Variants in DNAI1 observed in about 807,000 individuals in gnomAD.
DNAI1 encodes dynein axonemal intermediate chain 1.
A neutral mutation model predicts 92.0 loss-of-function variants in DNAI1; 67 were observed. The ratio of observed to expected loss-of-function variants is 0.73; its 90% confidence interval spans 0.60 to 0.89. The LOEUF (loss-of-function observed/expected upper bound fraction) is 0.89, where lower values mean the gene tolerates loss of function less well. DNAI1 is among the 40% of genes least tolerant of loss of function. The probability of loss-of-function intolerance (pLI) is 0.00; values close to 1 mark genes in which losing one functional copy is unlikely to be tolerated. For missense variants in DNAI1, 839 were observed against 866.6 expected, an observed-to-expected ratio of 0.97 and a Z score of 0.40; for synonymous variants, 323 against 319.6, an observed-to-expected ratio of 1.01 and a Z score of -0.11.
chr9:34,506,935 A>T lies in DNAI1; in HGVS notation c.1311+61A>T, dbSNP rs1017730332. On this transcript the variant is annotated intron_variant, in intron 13 of 19. Transcript: ENST00000242317. ...CAGCATGTGGGCCTGGAGCCACTGGAGGAGGGAGGGAGCTTGGGGAGGAGA... is the reference window on the plus strand; with the variant it reads ...CAGCATGTGGGCCTGGAGCCACTGGTGGAGGGAGGGAGCTTGGGGAGGAGA... 8.2e-6 allele frequency: 13 copies of T among 1,586,060 alleles called. No individual in the cohort carries two copies. In the African/African-American group the frequency reaches 1.2e-4, roughly 15 times the overall value.
chr9:34,476,983 T>C (rs556165749), intron 1 of DNAI1, among the ~76,000 whole-genome samples: 1 of 152,296 alleles, frequency 6.6e-6, no homozygotes, highest in African/African-American at 2.4e-5. Flanking sequence ...CTTCATCTCA[T>C]GGCGGAGGGT....
intron 4 of DNAI1, among the ~76,000 whole-genome samples, chr9:34,486,585 CAAG>C (rs1352794745): frequency 2.6e-5 from 4 of 152,194 alleles, no homozygotes; most frequent in Non-Finnish European, 5.9e-5. Context: ...TTCCTGAAGA[CAAG>C]AAGAATTTAT....
rs2132062151 is a variant in DNAI1, at chr9:34,490,383, G to A, written c.516G>A (p.Val172=). Residue 172 remains valine, a synonymous_variant, in exon 7 of 20, where the codon GTG becomes GTA. Transcript: ENST00000242317. ...TTTATTTTCAGGCAGCTGAAAAAGT[G>A]ACTGAAGAAGAATTGATGACTCCTA... ...DVPAAGAAEK[V]TEEELMTPKQ... is the part of the protein sequence containing the mutation. The A allele has an allele frequency of 6.2e-7, 1 of 1,614,128 alleles. No homozygotes were observed. Among genetic ancestry groups the A allele is most frequent in the Non-Finnish European group, 8.5e-7 (1 of 1,180,036 alleles).
At chr9:34,505,573 C>G (rs1234826588) in intron 12 of DNAI1, among the ~76,000 whole-genome samples, 1 of 152,198 alleles carries the variant, frequency 6.6e-6, no homozygotes, top group Non-Finnish European at 1.5e-5. Context: ...CCACACACCC[C>G]CTCCAAGTGC....
intron 1 of DNAI1, among the ~76,000 whole-genome samples, chr9:34,476,301 G>A (rs1824234831): frequency 6.6e-6 from 1 of 152,136 alleles, no homozygotes; most frequent in Non-Finnish European, 1.5e-5. Flanking sequence ...ATCTGCCCTT[G>A]GTGTGTCACT....
chr9:34,485,325 T>G, intron 3 of DNAI1, 85 bp downstream of exon 3: 1 of 1,599,040 alleles, frequency 6.3e-7, no homozygotes, highest in South Asian at 1.1e-5. Flanking sequence ...ATTAGGAGCT[T>G]GCCCAGAACC....
At chr9:34,476,529 G>A (rs1004612755) in intron 1 of DNAI1, among the ~76,000 whole-genome samples, 2 of 152,172 alleles carry the variant, frequency 1.3e-5, no homozygotes, top group African/African-American at 4.8e-5. Flanking sequence ...TCATCCAAAA[G>A]TGTGCTAAGC....
intron 1 of DNAI1, among the ~76,000 whole-genome samples, chr9:34,475,275 A>G (rs1197174393): frequency 6.6e-6 from 1 of 152,202 alleles, no homozygotes; most frequent in African/African-American, 2.4e-5. Flanking sequence ...TGAGTTTTAA[A>G]ATAAGGACCA....
chr9:34,485,313 T>C, intron 3 of DNAI1, 73 bp downstream of exon 3: 1 of 1,603,338 alleles, frequency 6.2e-7, no homozygotes, highest in Non-Finnish European at 8.5e-7. Context: ...CCATAGTACA[T>C]GATTAGGAGC....
At chr9:34,499,512 G>T (rs901392333) in intron 10 of DNAI1, among the ~76,000 whole-genome samples, 6 of 152,142 alleles carry the variant, frequency 3.9e-5, no homozygotes, top group Admixed American at 3.9e-4. Context: ...TGTGTGTCCT[G>T]CTCTCCAGAT....
chr9:34,482,758 C>T (rs983650250), intron 1 of DNAI1, among the ~76,000 whole-genome samples: 6 of 152,402 alleles, frequency 3.9e-5, no homozygotes, highest in Middle Eastern at 3.4e-3. Context: ...CTGCGCCTTG[C>T]GCTCGCATTC....
chr9:34,475,721 G>A (rs1422415091), intron 1 of DNAI1, among the ~76,000 whole-genome samples: 2 of 152,156 alleles, frequency 1.3e-5, no homozygotes, highest in Non-Finnish European at 2.9e-5. Flanking sequence ...TAACTTGCCT[G>A]GGGTCATAAA....
chr9:34,481,900 G>A (rs938313295), intron 1 of DNAI1, among the ~76,000 whole-genome samples: 4 of 152,292 alleles, frequency 2.6e-5, no homozygotes, highest in South Asian at 2.1e-4. Flanking sequence ...AGTGTGGAAG[G>A]GGACCCGAGC....
chr9:34,471,384 C>A (rs1176254808), intron 1 of DNAI1, among the ~76,000 whole-genome samples: 10 of 151,168 alleles, frequency 6.6e-5, no homozygotes. Context: ...ATGATTGTGC[C>A]ACTGCACTCT....
chr9:34,477,639 A>T (rs1381993947), intron 1 of DNAI1, among the ~76,000 whole-genome samples: 2 of 152,190 alleles, frequency 1.3e-5, no homozygotes, highest in Non-Finnish European at 2.9e-5. Context: ...TAGAATTGTT[A>T]GGCTTTGAAA....
rs769021024 is a variant in DNAI1 at position 34,489,407 on chromosome 9, G to T, written c.346G>T (p.Asp116Tyr). 3 of 1,614,126 alleles carry T rather than the reference G, an allele frequency of 1.9e-6. No individual in the cohort carries two copies. Among genetic ancestry groups the T allele is most frequent in the Non-Finnish European group, 2.5e-6 (3 of 1,180,016 alleles). ...TGGGAACCTGATCCCCAAAGACTCA[G>T]ATGAAGGACGGCGGCAGCATTACCG... The part of the protein sequence containing the change: ...QVGNLIPKDS[D>Y]EGRRQHYRDE... Residue 116 changes from aspartate (D) to tyrosine (Y), a missense_variant, in exon 5 of 20, where the codon GAT (aspartate) becomes TAT (tyrosine). By Grantham distance (160) the Asp-to-Tyr change is radical (BLOSUM62 -3). Coordinates refer to ENST00000242317, the MANE Select transcript of DNAI1 (RefSeq NM_012144.4).
Position 34,468,106 on chromosome 9 carries a change from A to G in DNAI1, c.48+9053A>G, listed in dbSNP as rs190863601. ...AAAAATACAATATCAGAAATAAAAA[A>G]TTCGTTGGATAGGCCTAACAGCTGA... On this transcript the variant is annotated intron_variant, in intron 1 of 19. Coordinates refer to ENST00000242317, the MANE Select transcript of DNAI1 (RefSeq NM_012144.4). Among the ~76,000 whole-genome samples the G allele has an allele frequency of 2.6e-5, 4 of 152,338 alleles. No individual in the cohort carries two copies. The East Asian group carries it at 7.7e-4, about 29-fold the overall frequency.
intron 15 of DNAI1, 123 bp downstream of exon 15, chr9:34,512,547 G>A: frequency 1.0e-6 from 1 of 957,196 alleles, no homozygotes; most frequent in Non-Finnish European, 1.6e-6. Context: ...GGGCCTGACA[G>A]GAGATTGTAG....
chr9:34,482,156 A>G (rs1429639869), intron 1 of DNAI1, among the ~76,000 whole-genome samples: 1 of 152,176 alleles, frequency 6.6e-6, no homozygotes, highest in African/African-American at 2.4e-5. Flanking sequence ...GTGCATTCAC[A>G]AACCTTGAGC....
Sources: allele counts gnomAD v4.1 joint callset (sites outside exome capture counted in the v4.1 genomes callset), GRCh38; gene constraint gnomAD v4.1.1; transcripts MANE v1.5; gene names NCBI Gene and HGNC (gene_info 2026-07-23, HGNC 2026-07-21).